Variants in PRIM2 observed in about 807,000 individuals in gnomAD.
The protein encoded by PRIM2 is DNA primase subunit 2, also known as DNA primase large subunit.
A neutral mutation model predicts 67.3 loss-of-function variants in PRIM2; 39 were observed. That is an observed-to-expected ratio of 0.58 (90% CI 0.45 to 0.76). PRIM2 has a LOEUF of 0.76. Ranked by LOEUF, PRIM2 falls within the 30% of genes least tolerant of loss-of-function variation. PRIM2 has a pLI of 0.00. For synonymous variants in PRIM2, 143 were observed against 198.7 expected, an observed-to-expected ratio of 0.72 and a Z score of 2.36; for missense variants, 398 against 598.7, an observed-to-expected ratio of 0.66 and a Z score of 3.50.
chr6:57,355,019 T>C (rs886221197), intron 5 of PRIM2, among the ~76,000 whole-genome samples: 5 of 152,392 alleles, frequency 3.3e-5, no homozygotes, highest in East Asian at 1.9e-4. Flanking sequence ...TCAGAACATA[T>C]CGGGCTGGGC....
intron 10 of PRIM2, among the ~76,000 whole-genome samples, chr6:57,578,972 G>A (rs1166824004): frequency 2.6e-5 from 4 of 151,890 alleles, no homozygotes; most frequent in Non-Finnish European, 5.9e-5. Flanking sequence ...CACCGCGCCC[G>A]GCCCACCTCC....
In PRIM2 at chr6:57,547,666, G is replaced by A. The variant is rs1168399669; in HGVS notation, c.1020+10041G>A. ...TGTTATTCTGAATTGCTTTAAGCTG[G>A]TTTTATTGGATATTAAGTACAACAT... On this transcript the variant is annotated intron_variant, in intron 10 of 13. Transcript: ENST00000615550. Among the ~76,000 whole-genome samples the A allele has an allele frequency of 2.6e-3, 391 of 152,214 alleles. 3 individuals are homozygous for A. Among genetic ancestry groups the A allele is most frequent in the Non-Finnish European group, 2.1e-3 (144 of 68,024 alleles).
At chr6:57,451,241 A>G (rs1279120936) in intron 7 of PRIM2, among the ~76,000 whole-genome samples, 1 of 152,108 alleles carries the variant, frequency 6.6e-6, no homozygotes, top group African/African-American at 2.4e-5. Context: ...CCTGGGTTCA[A>G]GCAATTCTCC....
At chr6:57,223,978 T>C in the PRIM2 span, among the ~76,000 whole-genome samples, 10,451 of 152,090 alleles carry the variant, frequency 0.069, 410 homozygotes, top group East Asian at 0.11. Context: ...GAGTATATAT[T>C]CAAAAGAATT....
chr6:57,368,850 T>A (rs531358545), intron 5 of PRIM2, among the ~76,000 whole-genome samples: 17 of 152,168 alleles, frequency 1.1e-4, no homozygotes, highest in African/African-American at 4.1e-4. Flanking sequence ...GAAAGGTTTG[T>A]TCCTTGTTCA....
intron 7 of PRIM2, among the ~76,000 whole-genome samples, chr6:57,481,266 C>A (rs1773621762): frequency 1.3e-5 from 2 of 152,192 alleles, no homozygotes; most frequent in African/African-American, 4.8e-5. Context: ...AGTCATAGCA[C>A]CCCATCCTTA....
At chr6:57,386,969 G>T (rs740928) in intron 7 of PRIM2, among the ~76,000 whole-genome samples, 1 of 152,278 alleles carries the variant, frequency 6.6e-6, no homozygotes, top group South Asian at 2.1e-4. Context: ...TTCTTAACCT[G>T]TGACCATATG....
chr6:57,417,112 A>G (rs1771289011), intron 7 of PRIM2, among the ~76,000 whole-genome samples: 1 of 151,858 alleles, frequency 6.6e-6, no homozygotes, highest in African/African-American at 2.4e-5. Context: ...GATTACAGGC[A>G]TGCACCACCA....
the PRIM2 span, among the ~76,000 whole-genome samples, chr6:57,269,963 G>A: frequency 6.6e-6 from 1 of 152,100 alleles, no homozygotes; most frequent in Non-Finnish European, 1.5e-5. Flanking sequence ...TTATTTCTGA[G>A]GGCTCTGTTC....
chr6:57,243,415 T>C, the PRIM2 span, among the ~76,000 whole-genome samples: 5 of 152,184 alleles, frequency 3.3e-5, no homozygotes, highest in African/African-American at 1.2e-4. Flanking sequence ...GGTATGTTAA[T>C]TGGAATATTG....
the PRIM2 span, among the ~76,000 whole-genome samples, chr6:57,241,303 G>C: frequency 6.6e-6 from 1 of 151,962 alleles, no homozygotes; most frequent in Non-Finnish European, 1.5e-5. Flanking sequence ...CAGCTACTCA[G>C]GAGGCTGAGA....
At chr6:57,407,849 G>C (rs1770947578) in intron 7 of PRIM2, among the ~76,000 whole-genome samples, 4 of 152,174 alleles carry the variant, frequency 2.6e-5, no homozygotes, top group African/African-American at 9.6e-5. Flanking sequence ...AGCACATACT[G>C]TGTACCAGAC....
At chr6:57,243,688 C>T in the PRIM2 span, among the ~76,000 whole-genome samples, 12 of 152,280 alleles carry the variant, frequency 7.9e-5, no homozygotes, top group Admixed American at 7.8e-4. Flanking sequence ...GTTGGCCAGG[C>T]TGGTCTCGAA....
chr6:57,483,305 T>G (rs1381908370), intron 7 of PRIM2, among the ~76,000 whole-genome samples: 1 of 152,200 alleles, frequency 6.6e-6, no homozygotes, highest in African/African-American at 2.4e-5. Flanking sequence ...AATACAATCT[T>G]TCATTAAAAT....
the PRIM2 span, among the ~76,000 whole-genome samples, chr6:57,256,714 T>TCTCACACA: frequency 5.2e-5 from 7 of 134,484 alleles, no homozygotes; most frequent in East Asian, 1.2e-3. Context: ...TCTCTCACTT[T>TCTCACACA]CACACACACA....
the PRIM2 span, among the ~76,000 whole-genome samples, chr6:57,278,066 C>A: frequency 1.3e-5 from 2 of 151,978 alleles, no homozygotes; most frequent in Non-Finnish European, 2.9e-5. Context: ...GTAGCTCATG[C>A]CTATAATCCC....
chr6:57,502,973 A>T (rs1251815695), intron 7 of PRIM2, among the ~76,000 whole-genome samples: 56 of 152,328 alleles, frequency 3.7e-4, no homozygotes, highest in Admixed American at 1.2e-3. Context: ...CCTCTCCTTG[A>T]TAGGACATAT....
intron 5 of PRIM2, 174 bp downstream of exon 5, chr6:57,326,219 G>C: frequency 1.9e-6 from 1 of 514,338 alleles, no homozygotes. Context: ...ATGACTAGAA[G>C]AAAAGGACTC....
At position 57,646,847 on chromosome 6, in the gene PRIM2, T is replaced by C. The variant is rs1777345652; in HGVS notation, c.*689T>C. 1 of 152,362 alleles carries C rather than the reference T, an allele frequency of 6.6e-6. No homozygotes were observed. The highest frequency in any genetic ancestry group is 1.9e-4 in the East Asian group (1 of 5,188). 9.4% of individuals were successfully genotyped at this position (152,362 alleles called of 1,614,324 possible). A position where few individuals can be genotyped will look rare whatever the true frequency, so the allele number is the denominator to read the frequency against. ...CCATTTTTGTTAATAAATATCAAAG[T>C]GTACATGACAGTGTCTGCGTATAAT... On this transcript the variant is annotated 3_prime_UTR_variant, in exon 14 of 14. Coordinates refer to ENST00000615550, the MANE Select transcript of PRIM2 (RefSeq NM_000947.5).
Sources: gnomAD v4.1 joint callset for allele counts (sites outside exome capture counted in the v4.1 genomes callset) on GRCh38, gnomAD v4.1.1 for gene constraint, MANE v1.5 for transcripts, NCBI Gene and HGNC (gene_info 2026-07-23, HGNC 2026-07-21) for gene names.